Variants in MFHAS1 observed in about 807,000 individuals in gnomAD.
MFHAS1 encodes the protein malignant fibrous histiocytoma-amplified sequence 1.
MFHAS1 carries 50 observed loss-of-function variants against 70.4 expected under a neutral mutation model. The ratio of observed to expected loss-of-function variants is 0.71; its 90% confidence interval spans 0.57 to 0.90. The LOEUF (loss-of-function observed/expected upper bound fraction) is 0.90. Among genes scored for constraint, MFHAS1 ranks in the 40% least tolerant of loss-of-function variants. The probability of loss-of-function intolerance (pLI) is 0.00; values close to 1 mark genes in which losing one functional copy is unlikely to be tolerated. For synonymous variants in MFHAS1, 952 were observed against 620.0 expected (o/e 1.54, Z -7.96); for missense variants, 1,795 against 1,347.6 (o/e 1.33, Z -5.20).
intron 1 of MFHAS1, among the ~76,000 whole-genome samples, chr8:8,864,835 A>G (rs557479582): frequency 6.6e-6 from 1 of 152,356 alleles, no homozygotes; most frequent in South Asian, 2.1e-4. Flanking sequence ...GGACTCAGAT[A>G]AGATGATATC....
At chr8:8,801,837 G>T (rs1444330605) in intron 1 of MFHAS1, among the ~76,000 whole-genome samples, 1 of 152,162 alleles carries the variant, frequency 6.6e-6, no homozygotes, top group African/African-American at 2.4e-5. Flanking sequence ...CTACAGTCCT[G>T]TATGATGAGG....
intron 2 of MFHAS1, among the ~76,000 whole-genome samples, chr8:8,787,282 A>G (rs143172411): frequency 0.01 from 1,585 of 152,208 alleles, 18 homozygotes; most frequent in East Asian, 0.042. Context: ...GGGTTTCACC[A>G]TGTTAGCCAG....
intron 1 of MFHAS1, among the ~76,000 whole-genome samples, chr8:8,806,751 A>C (rs1806304505): frequency 6.6e-6 from 1 of 152,166 alleles, no homozygotes; most frequent in Non-Finnish European, 1.5e-5. Flanking sequence ...ACTTGAGGTC[A>C]GGAGTTCGAG....
At chr8:8,867,821 T>G (rs1808921235) in intron 1 of MFHAS1, among the ~76,000 whole-genome samples, 1 of 152,110 alleles carries the variant, frequency 6.6e-6, no homozygotes, top group African/African-American at 2.4e-5. Flanking sequence ...CCTCCCAAAG[T>G]GCTGGGATTA....
chr8:8,884,628 C>T (rs555305934), intron 1 of MFHAS1, among the ~76,000 whole-genome samples: 36 of 152,258 alleles, frequency 2.4e-4, no homozygotes, highest in African/African-American at 8.7e-4. Flanking sequence ...CATTACAATA[C>T]TACCTGGGAT....
At chr8:8,832,440 CACACACACACACACAG>C (rs1244866826) in intron 1 of MFHAS1, among the ~76,000 whole-genome samples, 6 of 151,156 alleles carry the variant, frequency 4.0e-5, no homozygotes, top group Admixed American at 2.0e-4. Flanking sequence ...CACACACACA[CACACACACACACACAG>C]AGCCAGTAAC....
chr8:8,802,961 G>T (rs1005996923), intron 1 of MFHAS1, among the ~76,000 whole-genome samples: 1 of 152,120 alleles, frequency 6.6e-6, no homozygotes, highest in Admixed American at 6.5e-5. Flanking sequence ...GCAGGCTATC[G>T]GTAGATTTGG....
chr8:8,808,034 T>G (rs1806395821), intron 1 of MFHAS1, among the ~76,000 whole-genome samples: 1 of 152,308 alleles, frequency 6.6e-6, no homozygotes, highest in Middle Eastern at 3.4e-3. Flanking sequence ...CTAGCACCAT[T>G]CTAGTAGCAT....
chr8:8,820,525 C>T (rs997266353), intron 1 of MFHAS1, among the ~76,000 whole-genome samples: 4 of 152,164 alleles, frequency 2.6e-5, no homozygotes, highest in Non-Finnish European at 5.9e-5. Context: ...CCACCCTGCC[C>T]CTCCACCCGT....
At chr8:8,812,045 G>T (rs892306635) in intron 1 of MFHAS1, among the ~76,000 whole-genome samples, 3 of 152,214 alleles carry the variant, frequency 2.0e-5, no homozygotes, top group Non-Finnish European at 2.9e-5. Context: ...TGTCTTACCA[G>T]ATTACTGGAT....
intron 1 of MFHAS1, among the ~76,000 whole-genome samples, chr8:8,854,349 G>A (rs1013211368): frequency 5.9e-5 from 9 of 152,040 alleles, no homozygotes; most frequent in African/African-American, 1.4e-4. Flanking sequence ...GTGAAACCCC[G>A]TCTCTACTAA....
At chr8:8,795,758 C>T (rs1208539740) in intron 2 of MFHAS1, among the ~76,000 whole-genome samples, 2 of 152,194 alleles carry the variant, frequency 1.3e-5, no homozygotes, top group Admixed American at 1.3e-4. Context: ...GAGATGGATG[C>T]CTGTCACACT....
chr8:8,829,009 C>T (rs1014041653), intron 1 of MFHAS1, among the ~76,000 whole-genome samples: 1 of 152,222 alleles, frequency 6.6e-6, no homozygotes, highest in African/African-American at 2.4e-5. Flanking sequence ...CAATGCAAAT[C>T]TATTCTCCCC....
At chr8:8,887,859 CAA>C (rs11300082) in intron 1 of MFHAS1, among the ~76,000 whole-genome samples, 62 of 95,504 alleles carry the variant, frequency 6.5e-4, no homozygotes, top group African/African-American at 1.4e-3. Context: ...GCAAAAAAAA[CAA>C]AAAAAAAAAA....
Position 8,835,208 on chromosome 8 carries a change from T to C in MFHAS1, c.2999-37717A>G, listed in dbSNP as rs1309638378. Among the ~76,000 whole-genome samples the C allele has an allele frequency of 6.6e-5, 10 of 152,176 alleles. No individual in the cohort carries two copies. The East Asian group carries it at 7.7e-4, about 12-fold the overall frequency. ...TGGGAGTGAATGCTCTCTATCTTGA[T>C]TGGGAGTGAATGCATGTCAAAACCC... On this transcript the variant is annotated intron_variant, in intron 1 of 2. Coordinates refer to ENST00000276282, the MANE Select transcript of MFHAS1 (RefSeq NM_004225.3).
chr8:8,784,770 G>C lies in MFHAS1; in HGVS notation c.*1252C>G, dbSNP rs147455057. On this transcript the variant is annotated 3_prime_UTR_variant, in exon 3 of 3. Transcript: ENST00000276282. ...GTAAACAGAGTTTTTTACACTCTCC[G>C]AAAAACATGTTACTACTGTAGCATA... 6.6e-6 allele frequency: 1 copy of C among 152,160 alleles called. No individual in the cohort carries two copies. The highest frequency in any genetic ancestry group is 1.5e-5 in the Non-Finnish European group (1 of 68,024). The allele number at this position is 152,160 out of a possible 1,614,324, so 9.4% of individuals were successfully genotyped here.
At chr8:8,790,162 T>C (rs547469371) in intron 2 of MFHAS1, among the ~76,000 whole-genome samples, 50 of 152,318 alleles carry the variant, frequency 3.3e-4, no homozygotes, top group Non-Finnish European at 6.5e-4. Context: ...TTCTTCCTAA[T>C]TCCCATATGC....
Position 8,851,745 on chromosome 8 carries a change from G to A in MFHAS1, c.2998+38316C>T, listed in dbSNP as rs962811296. ...TAACTAAAGAATGTATTTAAAATAA[G>A]AACAAATACAGGAAGTTAATCCAAC... On this transcript the variant is annotated intron_variant, in intron 1 of 2. Coordinates refer to ENST00000276282, the MANE Select transcript of MFHAS1 (RefSeq NM_004225.3). Among the ~76,000 whole-genome samples, 7 of 152,140 alleles carry A rather than the reference G, an allele frequency of 4.6e-5. No homozygotes were observed. The East Asian group carries it at 5.8e-4, about 13-fold the overall frequency.
chr8:8,849,576 G>A (rs1188281613), intron 1 of MFHAS1, among the ~76,000 whole-genome samples: 1 of 152,142 alleles, frequency 6.6e-6, no homozygotes, highest in Non-Finnish European at 1.5e-5. Flanking sequence ...CTTCACAGCT[G>A]CGGTCCTGTT....
Sources: allele counts gnomAD v4.1 joint callset (sites outside exome capture counted in the v4.1 genomes callset), GRCh38; gene constraint gnomAD v4.1.1; transcripts MANE v1.5; gene names NCBI Gene and HGNC (gene_info 2026-07-23, HGNC 2026-07-21).